The following FAM124A variants were observed in gnomAD, a reference collection of about 807,000 sequenced individuals.
FAM124A encodes the protein family with sequence similarity 124 member A, also known as protein FAM124A.
FAM124A carries 23 observed loss-of-function variants against 24.5 expected under a neutral mutation model. That is an observed-to-expected ratio of 0.94 (90% CI 0.68 to 1.33). FAM124A has a LOEUF of 1.33. Ranked by LOEUF, FAM124A falls within the 40% of genes most tolerant of loss-of-function variation. FAM124A has a pLI of 0.00. For synonymous variants in FAM124A, 287 were observed against 314.7 expected (o/e 0.91, Z 0.93); for missense variants, 623 against 722.8 (o/e 0.86, Z 1.58).
intron 3 of FAM124A, among the ~76,000 whole-genome samples, chr13:51,271,040 A>C (rs947755113): frequency 6.6e-6 from 1 of 152,228 alleles, no homozygotes; most frequent in Non-Finnish European, 1.5e-5. Context: ...TGGCAGTGGA[A>C]ATTCATTCTC....
intron 3 of FAM124A, among the ~76,000 whole-genome samples, chr13:51,265,369 A>T (rs1177642254): frequency 1.3e-5 from 2 of 151,040 alleles, no homozygotes; most frequent in Non-Finnish European, 3.0e-5. Flanking sequence ...TGAAGCTGAA[A>T]ATGGAGATCT....
chr13:51,259,221 TC>T (rs972260706), intron 3 of FAM124A, among the ~76,000 whole-genome samples: 18 of 152,140 alleles, frequency 1.2e-4, no homozygotes, highest in Non-Finnish European at 2.4e-4. Flanking sequence ...TGGCATTTCC[TC>T]ATTTCTGCCC....
At chr13:51,260,535 G>T (rs1193029232) in intron 3 of FAM124A, among the ~76,000 whole-genome samples, 1 of 152,198 alleles carries the variant, frequency 6.6e-6, no homozygotes, top group Admixed American at 6.5e-5. Context: ...CACGCTTTGG[G>T]CTAAGTGTGA....
chr13:51,239,767 T>C (rs1418291457), intron 2 of FAM124A, among the ~76,000 whole-genome samples: 1 of 152,200 alleles, frequency 6.6e-6, no homozygotes, highest in Non-Finnish European at 1.5e-5. Flanking sequence ...CCCACAGACA[T>C]GGATGAGAGT....
chr13:51,267,740 G>T (rs1207025557), intron 3 of FAM124A, among the ~76,000 whole-genome samples: 1 of 152,146 alleles, frequency 6.6e-6, no homozygotes, highest in Admixed American at 6.5e-5. Context: ...GGGTTAAGCT[G>T]CCCTTCTACT....
chr13:51,245,845 G>A (rs1954552297), intron 2 of FAM124A, among the ~76,000 whole-genome samples: 1 of 152,164 alleles, frequency 6.6e-6, no homozygotes, highest in South Asian at 2.1e-4. Context: ...ATAAATGGTT[G>A]CTATTGTCTA....
At chr13:51,268,399 A>AT (rs1566173513) in intron 3 of FAM124A, among the ~76,000 whole-genome samples, 4 of 152,208 alleles carry the variant, frequency 2.6e-5, no homozygotes, top group Non-Finnish European at 5.9e-5. Flanking sequence ...TGTCATATTT[A>AT]AAAAAACAAA....
In FAM124A at chr13:51,283,775, A is replaced by AC. The variant is rs1043017367; in HGVS notation, c.*2519_*2520insC. 12 of 138,906 alleles carry AC rather than the reference A, an allele frequency of 8.6e-5. No homozygotes were observed. Among genetic ancestry groups the AC allele is most frequent in the Non-Finnish European group, 1.7e-4 (11 of 66,414 alleles). The allele number at this position is 138,906 out of a possible 1,614,324, so 8.6% of individuals were successfully genotyped here. A position where few individuals can be genotyped will look rare whatever the true frequency, so the allele number is the denominator to read the frequency against. ...AACAAAAGTCAGTGAGGCAAAAAAA[A>AC]AAAAAAAAAAAAAAAAAAAAGGCTA... On this transcript the variant is annotated 3_prime_UTR_variant, in exon 4 of 4. Coordinates refer to ENST00000322475, the MANE Select transcript of FAM124A (RefSeq NM_001242312.2).
chr13:51,267,196 A>G (rs1329873145), intron 3 of FAM124A, among the ~76,000 whole-genome samples: 1 of 152,238 alleles, frequency 6.6e-6, no homozygotes, highest in Non-Finnish European at 1.5e-5. Flanking sequence ...GTCCTCACAC[A>G]TGCTAAGATT....
chr13:51,231,458 A>T, intron 2 of FAM124A, 79 bp downstream of exon 2: 1 of 1,461,424 alleles, frequency 6.8e-7, no homozygotes, highest in Non-Finnish European at 9.4e-7. Context: ...ATGTGTGTAC[A>T]TGGTTTTATA....
intron 1 of FAM124A, 43 bp downstream of exon 1, chr13:51,222,612 G>T: frequency 1.6e-6 from 2 of 1,216,006 alleles, no homozygotes; most frequent in Non-Finnish European, 2.0e-6. Flanking sequence ...GGCGCTCTCC[G>T]AGTTGCGCGG....
At chr13:51,267,415 A>G (rs1954799266) in intron 3 of FAM124A, among the ~76,000 whole-genome samples, 1 of 152,210 alleles carries the variant, frequency 6.6e-6, no homozygotes, top group African/African-American at 2.4e-5. Context: ...GAAATTGCAA[A>G]TAGATTTTTC....
At position 51,259,325 on chromosome 13, in the gene FAM124A, G is replaced by A. The variant is rs117777014; in HGVS notation, c.834+7124G>A. 4.5e-4 allele frequency among the ~76,000 whole-genome samples: 69 copies of A among 152,114 alleles called. No individual in the cohort carries two copies. In the East Asian group the frequency reaches 0.011, roughly 25 times the overall value. Reference sequence around the variant, plus strand: ...TGACTCCTGCCCAGAACCCTCCAGCGGCTGCTCATCCACAGAGTAAAGCCC... The same window carrying A: ...TGACTCCTGCCCAGAACCCTCCAGCAGCTGCTCATCCACAGAGTAAAGCCC... On this transcript the variant is annotated intron_variant, in intron 3 of 3. Transcript: ENST00000322475.
At chr13:51,246,330 A>G (rs749580039) in intron 2 of FAM124A, among the ~76,000 whole-genome samples, 1 of 140,786 alleles carries the variant, frequency 7.1e-6, no homozygotes, top group Non-Finnish European at 1.5e-5. Flanking sequence ...GCAATTAATT[A>G]TTCACATTTT....
At chr13:51,267,523 G>A (rs909428762) in intron 3 of FAM124A, among the ~76,000 whole-genome samples, 1 of 152,100 alleles carries the variant, frequency 6.6e-6, no homozygotes, top group African/African-American at 2.4e-5. Context: ...TTTAGGCTAT[G>A]GCTATCTGCT....
At chr13:51,247,241 T>C (rs1954573655) in intron 2 of FAM124A, among the ~76,000 whole-genome samples, 1 of 152,216 alleles carries the variant, frequency 6.6e-6, no homozygotes, top group African/African-American at 2.4e-5. Flanking sequence ...CTGGCCACTC[T>C]GCTGTGAAAG....
chr13:51,248,051 T>C, intron 2 of FAM124A, among the ~76,000 whole-genome samples: 1 of 152,158 alleles, frequency 6.6e-6, no homozygotes, highest in African/African-American at 2.4e-5. Context: ...GATAACTGCA[T>C]ACAAATGAGA....
In FAM124A at chr13:51,280,506, G is replaced by A. The variant is rs1466939225; in HGVS notation, c.891G>A (p.Glu297=). The change falls in exon 4 of 4, where the codon GAG becomes GAA. Residue 297 remains glutamate (E), a synonymous_variant. Transcript: ENST00000322475. ...CTGGCAGAGTACATCATGCCTCCGA[G>A]AAGAAACGTCATTCCACTCCTTTGC... ...PKPGRVHHAS[E]KKRHSTPLPS... The A allele has an allele frequency of 1.9e-6, 3 of 1,613,834 alleles. No individual in the cohort carries two copies. Among genetic ancestry groups the A allele is most frequent in the Non-Finnish European group, 2.5e-6 (3 of 1,179,928 alleles).
intron 3 of FAM124A, among the ~76,000 whole-genome samples, chr13:51,260,030 A>G (rs956775487): frequency 2.0e-5 from 3 of 152,160 alleles, no homozygotes; most frequent in Middle Eastern, 6.8e-3. Flanking sequence ...GGACCCCCCA[A>G]TAGGACACAG....
Sources: gnomAD v4.1 joint callset for allele counts (sites outside exome capture counted in the v4.1 genomes callset) on GRCh38, gnomAD v4.1.1 for gene constraint, MANE v1.5 for transcripts, NCBI Gene and HGNC (gene_info 2026-07-23, HGNC 2026-07-21) for gene names.